Variants in KIF13A observed in about 807,000 individuals in gnomAD.
KIF13A encodes kinesin-like protein KIF13A.
Under a neutral mutation model 212.2 loss-of-function variants are expected in KIF13A, and 79 were observed. The ratio of observed to expected loss-of-function variants is 0.37; its 90% confidence interval spans 0.31 to 0.45. KIF13A has a LOEUF of 0.45. Among genes scored for constraint, KIF13A ranks in the 20% least tolerant of loss-of-function variants. The pLI, the probability that KIF13A is intolerant of heterozygous loss-of-function variation, is 1.00. For synonymous variants in KIF13A, 789 were observed against 808.6 expected (o/e 0.98, Z 0.41); for missense variants, 1,901 against 2,209.0 (o/e 0.86, Z 2.79).
chr6:17,868,073 G>A (rs563607209), intron 4 of KIF13A, among the ~76,000 whole-genome samples: 4 of 152,312 alleles, frequency 2.6e-5, no homozygotes, highest in East Asian at 3.9e-4. Flanking sequence ...AACAATGCTC[G>A]AAGACACATG....
chr6:17,855,699 T>C lies in KIF13A; in HGVS notation c.314-82A>G, dbSNP rs1768074297. The C allele has an allele frequency of 1.9e-5, 22 of 1,131,200 alleles. No individual in the cohort carries two copies. The highest frequency in any genetic ancestry group is 2.6e-5 in the Non-Finnish European group (21 of 802,414). 70.1% of individuals were successfully genotyped at this position (1,131,200 alleles called of 1,614,324 possible). ...TTCAACCATACAAGGTTTCCCCATATACTGGCCATGGTAACATAGCAGAAG... is the reference window on the plus strand; with the variant it reads ...TTCAACCATACAAGGTTTCCCCATACACTGGCCATGGTAACATAGCAGAAG... On this transcript the variant is annotated intron_variant, in intron 5 of 38. Transcript: ENST00000259711. The surrounding 1 kb of genome is among the most constrained non-coding windows in gnomAD (Gnocchi z 4.1).
intron 2 of KIF13A, among the ~76,000 whole-genome samples, chr6:17,957,129 G>A (rs1248101294): frequency 1.3e-5 from 2 of 152,120 alleles, no homozygotes; most frequent in African/African-American, 2.4e-5. Context: ...TGATCTGCCC[G>A]CCTTGGCCTC....
intron 18 of KIF13A, among the ~76,000 whole-genome samples, chr6:17,806,372 T>C (rs936428099): frequency 6.6e-6 from 1 of 152,210 alleles, no homozygotes; most frequent in African/African-American, 2.4e-5. Context: ...AGCATCCTTG[T>C]GTATAAATCT....
rs772762175 is a variant in KIF13A at position 17,855,658 on chromosome 6, G to A, written c.314-41C>T. 3 of 1,494,552 alleles carry A rather than the reference G, an allele frequency of 2.0e-6. No homozygotes were observed. The highest frequency in any genetic ancestry group is 1.2e-5 in the South Asian group (1 of 80,048). The allele number at this position is 1,494,552 out of a possible 1,614,324, so 92.6% of individuals were successfully genotyped here. A position where few individuals can be genotyped will look rare whatever the true frequency, so the allele number is the denominator to read the frequency against. The stretch of plus-strand genomic sequence containing the variant: ...GAAAAAGAAGAACAGGTAGAGGAGG[G>A]AGCAAAATGCAATGCTTCAACCATA... On this transcript the variant is annotated intron_variant, in intron 5 of 38. Coordinates refer to ENST00000259711, the MANE Select transcript of KIF13A (RefSeq NM_022113.6). This position sits in a 1 kb window ranked among gnomAD's most constrained non-coding sequence, Gnocchi z 4.1.
intron 2 of KIF13A, among the ~76,000 whole-genome samples, chr6:17,940,134 GTTCC>G (rs924798480): frequency 4.8e-4 from 72 of 149,264 alleles, no homozygotes; most frequent in African/African-American, 1.0e-3. Flanking sequence ...CTATATGGAA[GTTCC>G]TTCCTTCCTT....
intron 4 of KIF13A, among the ~76,000 whole-genome samples, chr6:17,861,685 T>C (rs1386843271): frequency 6.6e-6 from 1 of 152,214 alleles, no homozygotes; most frequent in Non-Finnish European, 1.5e-5. Context: ...TATTGTTCAT[T>C]TGTATTAACA....
intron 17 of KIF13A, among the ~76,000 whole-genome samples, chr6:17,814,893 A>C (rs1763788257): frequency 6.6e-6 from 1 of 152,180 alleles, no homozygotes; most frequent in South Asian, 2.1e-4. Context: ...TGGAGATGAG[A>C]GATCATAGAA....
intron 18 of KIF13A, among the ~76,000 whole-genome samples, chr6:17,806,871 C>CT (rs1762995275): frequency 6.6e-6 from 1 of 152,182 alleles, no homozygotes; most frequent in Non-Finnish European, 1.5e-5. Context: ...GAGCGAAACT[C>CT]TGTCTCAAAA....
chr6:17,982,446 G>A lies in KIF13A; in HGVS notation c.146+4608C>T, dbSNP rs917798614. ...TTTCAGATGTTCAGACAGGGATACC[G>A]CTGGTGAATAAACTAAAAAATACAT... On this transcript the variant is annotated intron_variant, in intron 2 of 38. Transcript: ENST00000259711. The surrounding 1 kb of genome is among the most constrained non-coding windows in gnomAD (Gnocchi z 5.1). The A allele has an allele frequency of 9.0e-5, 89 of 984,112 alleles. No homozygotes were observed. The African/African-American group carries it at 1.2e-3, about 14-fold the overall frequency. The allele number at this position is 984,112 out of a possible 1,614,324, so 61.0% of individuals were successfully genotyped here.
chr6:17,924,938 A>G (rs953193879), intron 2 of KIF13A, among the ~76,000 whole-genome samples: 1 of 152,230 alleles, frequency 6.6e-6, no homozygotes, highest in African/African-American at 2.4e-5. Context: ...TCCCCACACC[A>G]TATGATGGGC....
chr6:17,965,019 G>T (rs1779176362), intron 2 of KIF13A, among the ~76,000 whole-genome samples: 1 of 151,988 alleles, frequency 6.6e-6, no homozygotes, highest in Non-Finnish European at 1.5e-5. Flanking sequence ...AGTAGAGATG[G>T]GGTTTCACCA....
At chr6:17,877,544 C>T (rs528373688) in intron 3 of KIF13A, among the ~76,000 whole-genome samples, 1 of 152,278 alleles carries the variant, frequency 6.6e-6, no homozygotes, top group South Asian at 2.1e-4. Context: ...TCCACAAACT[C>T]CCTTTAATGG....
chr6:17,916,504 G>A (rs76412606), intron 2 of KIF13A, among the ~76,000 whole-genome samples: 2,963 of 152,326 alleles, frequency 0.019, 102 homozygotes, highest in African/African-American at 0.067. Context: ...CAGGCTAGCT[G>A]CCATGTCTGA....
chr6:17,924,012 CT>C (rs1311319218), intron 2 of KIF13A, among the ~76,000 whole-genome samples: 2 of 152,040 alleles, frequency 1.3e-5, no homozygotes, highest in African/African-American at 4.8e-5. Flanking sequence ...GCTAAAAAAT[CT>C]TTTACTTTAA....
In KIF13A at chr6:17,849,076, C is replaced by G. The variant is rs1407825441; in HGVS notation, c.830+301G>C. Reference sequence around the variant, plus strand: ...GGGGTTACCGGTGTGCGTGACCGTGCCTTTTTAGTAGAGATGGGGTTTTGC... The same window carrying G: ...GGGGTTACCGGTGTGCGTGACCGTGGCTTTTTAGTAGAGATGGGGTTTTGC... On this transcript the variant is annotated intron_variant, in intron 9 of 38. Coordinates refer to ENST00000259711, the MANE Select transcript of KIF13A (RefSeq NM_022113.6). The surrounding 1 kb of genome is among the most constrained non-coding windows in gnomAD (Gnocchi z 5.7). 2.0e-5 allele frequency among the ~76,000 whole-genome samples: 3 copies of G among 152,052 alleles called. No homozygotes were observed. The highest frequency in any genetic ancestry group is 7.2e-5 in the African/African-American group (3 of 41,392).
At chr6:17,877,673 G>GT (rs959175582) in intron 3 of KIF13A, among the ~76,000 whole-genome samples, 18 of 147,946 alleles carry the variant, frequency 1.2e-4, no homozygotes, top group East Asian at 4.0e-4. Flanking sequence ...TTTTCTTTTT[G>GT]TTTTTTTTGA....
chr6:17,803,032 C>G (rs1454957744), intron 20 of KIF13A, among the ~76,000 whole-genome samples: 2 of 150,944 alleles, frequency 1.3e-5, no homozygotes, highest in African/African-American at 2.4e-5. Context: ...CTCCCGGGTT[C>G]AAGCGATTCT....
Position 17,771,896 on chromosome 6 carries a change from T to A in KIF13A, c.4476+12A>T, listed in dbSNP as rs781603948. On this transcript the variant is annotated intron_variant, in intron 37 of 38. Coordinates refer to ENST00000259711, the MANE Select transcript of KIF13A (RefSeq NM_022113.6). This position sits in a 1 kb window ranked among gnomAD's most constrained non-coding sequence, Gnocchi z 5.4. ...CTCTATTCTGCATAGTACAGACAAG[T>A]CAAGCATTTACCTCCTGGCTTAGAA... The A allele has an allele frequency of 4.3e-6, 7 of 1,613,680 alleles. No individual in the cohort carries two copies. In the South Asian group the frequency reaches 6.6e-5, roughly 15 times the overall value.
At chr6:17,975,311 T>G (rs530011798) in intron 2 of KIF13A, among the ~76,000 whole-genome samples, 3 of 151,902 alleles carry the variant, frequency 2.0e-5, no homozygotes, top group African/African-American at 7.2e-5. Context: ...TGAGACTGTG[T>G]TCCGAATTAG....
Sources: allele counts gnomAD v4.1 joint callset (sites outside exome capture counted in the v4.1 genomes callset), GRCh38; gene constraint gnomAD v4.1.1; non-coding constraint Gnocchi (gnomAD v3.1); transcripts MANE v1.5; gene names NCBI Gene and HGNC (gene_info 2026-07-23, HGNC 2026-07-21).